The following ATP2B4 variants were observed in gnomAD, a reference collection of about 807,000 sequenced individuals.
The protein encoded by ATP2B4 is ATPase plasma membrane Ca2+ transporting 4, also known as plasma membrane calcium-transporting ATPase 4.
Under a neutral mutation model 110.3 loss-of-function variants are expected in ATP2B4, and 39 were observed. The ratio of observed to expected loss-of-function variants is 0.35; its 90% CI spans 0.27 to 0.46. The LOEUF (loss-of-function observed/expected upper bound fraction) is 0.46. ATP2B4 is among the 20% of genes least tolerant of loss of function. The probability of loss-of-function intolerance (pLI) is 1.00; values close to 1 mark genes in which losing one functional copy is unlikely to be tolerated. For missense variants in ATP2B4, 1,135 were observed against 1,530.9 expected, an observed-to-expected ratio of 0.74 and a Z score of 4.32; for synonymous variants, 538 against 571.7, an observed-to-expected ratio of 0.94 and a Z score of 0.84.
intron 1 of ATP2B4, among the ~76,000 whole-genome samples, chr1:203,662,033 C>CTT (rs374196166): frequency 1.4e-5 from 2 of 145,162 alleles, no homozygotes; most frequent in Admixed American, 6.9e-5. Context: ...CCATCTTCAC[C>CTT]TTTTTTTTTT....
At chr1:203,628,041 T>C (rs769087726) in intron 1 of ATP2B4, among the ~76,000 whole-genome samples, 1 of 152,052 alleles carries the variant, frequency 6.6e-6, no homozygotes, top group Non-Finnish European at 1.5e-5. Flanking sequence ...GAAGGGTGAA[T>C]TGAAAAGTTT....
At position 203,677,953 on chromosome 1, in the gene ATP2B4, A is replaced by G. The variant is rs1664877042; in HGVS notation, c.-464-4789A>G. The stretch of plus-strand genomic sequence containing the variant: ...GGCTCTCAGCCCATCGGGGAAGGAC[A>G]GAGTAGGGCAGGGCAGGGAAGTGTC... On this transcript the variant is annotated intron_variant, in intron 1 of 20. Coordinates refer to ENST00000357681, the MANE Select transcript of ATP2B4 (RefSeq NM_001684.5). 3.9e-5 allele frequency among the ~76,000 whole-genome samples: 6 copies of G among 152,224 alleles called. No homozygotes were observed. In the South Asian group the frequency reaches 1.2e-3, roughly 32 times the overall value.
chr1:203,723,078 T>C (rs188713927), intron 18 of ATP2B4, among the ~76,000 whole-genome samples: 1 of 152,186 alleles, frequency 6.6e-6, no homozygotes, highest in Non-Finnish European at 1.5e-5. Context: ...TCCCTGCCCT[T>C]TGTTCTGAAG....
Position 203,703,640 on chromosome 1 carries a change from T to C in ATP2B4, c.938-12T>C, listed in dbSNP as rs748845883. On this transcript the variant is annotated splice_polypyrimidine_tract_variant and intron_variant, in intron 7 of 20. Coordinates refer to ENST00000357681, the MANE Select transcript of ATP2B4 (RefSeq NM_001684.5). ...TGCCTGCTCACCTGTCCTATTTGTG[T>C]GTACACTCCAGCAAAGACCCAAGAC... 2 of 1,613,216 alleles carry C rather than the reference T, an allele frequency of 1.2e-6. No homozygotes were observed. The highest frequency in any genetic ancestry group is 1.7e-6 in the Non-Finnish European group (2 of 1,179,520).
rs190648328 is a variant in ATP2B4 at position 203,690,461 on chromosome 1, C to A, written c.193+7063C>A. On this transcript the variant is annotated intron_variant, in intron 2 of 20. Coordinates refer to ENST00000357681, the MANE Select transcript of ATP2B4 (RefSeq NM_001684.5). The stretch of plus-strand genomic sequence containing the variant: ...CTCTAACAGATGGATGCATGCCCCC[C>A]GCTTAGAGACCGCTGCTCTAAAGCA... 3.1e-3 allele frequency among the ~76,000 whole-genome samples: 476 copies of A among 152,264 alleles called. 1 individual carries two copies. The highest frequency in any genetic ancestry group is 5.5e-3 in the Non-Finnish European group (377 of 68,022).
chr1:203,660,868 T>C (rs1317551828), intron 1 of ATP2B4, among the ~76,000 whole-genome samples: 1 of 151,892 alleles, frequency 6.6e-6, no homozygotes, highest in Non-Finnish European at 1.5e-5. Flanking sequence ...CCCAGCACTT[T>C]GGGAGGCCGA....
At chr1:203,643,904 T>C (rs974657517) in intron 1 of ATP2B4, among the ~76,000 whole-genome samples, 1 of 152,216 alleles carries the variant, frequency 6.6e-6, no homozygotes. Context: ...GTCATTCCTA[T>C]ATACTCGGTG....
intron 20 of ATP2B4, among the ~76,000 whole-genome samples, chr1:203,735,002 C>CAA (rs35552196): frequency 0.054 from 3,041 of 56,386 alleles, 188 homozygotes; most frequent in African/African-American, 0.079. Context: ...GACTCCATCT[C>CAA]AAAAAAAAAA....
rs750329048 is a variant in ATP2B4 at position 203,721,408 on chromosome 1, C to T, written c.2810C>T (p.Ala937Val). 29 of 1,613,498 alleles carry T rather than the reference C, an allele frequency of 1.8e-5. No individual in the cohort carries two copies. Among genetic ancestry groups the T allele is most frequent in the Admixed American group, 3.3e-5 (2 of 59,954 alleles). The change falls in exon 17 of 21, where the codon GCG becomes GTG. Residue 937 changes from alanine to valine, a missense_variant and splice_region_variant. Transcript: ENST00000357681. The part of the protein sequence containing the change: ...QLIVIFILVF[A>V]GEKFFDIDSG... ...ATTGTCATCTTTATCCTTGTCTTTG[C>T]GGGTGAGCCACTTTGGGGGTGGGTA...
chr1:203,717,961 A>G (rs1666208199), intron 15 of ATP2B4, among the ~76,000 whole-genome samples: 1 of 151,842 alleles, frequency 6.6e-6, no homozygotes, highest in Non-Finnish European at 1.5e-5. Flanking sequence ...GCCTCCCAAC[A>G]CTTTGGGAGG....
intron 1 of ATP2B4, among the ~76,000 whole-genome samples, chr1:203,654,707 A>AG (rs995842575): frequency 6.6e-6 from 1 of 152,036 alleles, no homozygotes; most frequent in East Asian, 1.9e-4. Flanking sequence ...CTGGCAACAC[A>AG]GGGGGACCCT....
chr1:203,739,072 CTA>C lies in ATP2B4; in HGVS notation c.3310-473_3310-472del, dbSNP rs570309094. Among the ~76,000 whole-genome samples, 262 of 152,276 alleles carry C rather than the reference CTA, an allele frequency of 1.7e-3. 1 individual carries two copies. Among genetic ancestry groups the C allele is most frequent in the African/African-American group, 5.9e-3 (247 of 41,548 alleles). ...CTCTTTGAGGTCTTTAAACAGATAA[CTA>C]AACCTCAATGCATAATTTTTCCATT... On this transcript the variant is annotated intron_variant, in intron 20 of 20. Coordinates refer to ENST00000357681, the MANE Select transcript of ATP2B4 (RefSeq NM_001684.5).
At chr1:203,729,564 AAGAAGAAAAG>A in intron 20 of ATP2B4, 1 of 436,720 alleles carries the variant, frequency 2.3e-6, no homozygotes, top group Non-Finnish European at 4.3e-6. Flanking sequence ...AAAAAAAAAG[AAGAAGAAAAG>A]TGGATTGCAG....
chr1:203,673,811 C>A (rs1255284684), intron 1 of ATP2B4, among the ~76,000 whole-genome samples: 2 of 152,206 alleles, frequency 1.3e-5, no homozygotes, highest in African/African-American at 4.8e-5. Flanking sequence ...GGCCAGGCAA[C>A]TTCTTCCCCC....
At position 203,691,974 on chromosome 1, in the gene ATP2B4, C is replaced by T. The variant is rs562889611; in HGVS notation, c.194-6183C>T. On this transcript the variant is annotated intron_variant, in intron 2 of 20. Coordinates refer to ENST00000357681, the MANE Select transcript of ATP2B4 (RefSeq NM_001684.5). ...TCAGCTCACTGCAAGCTCCGCCTCCCGTGTTCACACCATTCTCCTGCCTCA... is the reference window on the plus strand; with the variant it reads ...TCAGCTCACTGCAAGCTCCGCCTCCTGTGTTCACACCATTCTCCTGCCTCA... Among the ~76,000 whole-genome samples, 478 of 151,008 alleles carry T rather than the reference C, an allele frequency of 3.2e-3. 1 individual carries two copies. Among genetic ancestry groups the T allele is most frequent in the Non-Finnish European group, 5.6e-3 (376 of 67,728 alleles).
intron 18 of ATP2B4, 120 bp from the exon 19 acceptor site, chr1:203,723,761 C>T (rs1666419319): frequency 1.4e-6 from 1 of 730,794 alleles, no homozygotes; most frequent in Non-Finnish European, 2.2e-6. Flanking sequence ...GCAAGCAAAT[C>T]GGGACTTGTA....
chr1:203,732,763 C>T (rs1666766849), intron 20 of ATP2B4, among the ~76,000 whole-genome samples: 1 of 150,536 alleles, frequency 6.6e-6, no homozygotes, highest in Admixed American at 6.6e-5. Flanking sequence ...TGCAGTGAAC[C>T]GAGAGTGTGC....
At chr1:203,698,459 C>A in intron 3 of ATP2B4, 105 bp downstream of exon 3, 1 of 1,227,950 alleles carries the variant, frequency 8.1e-7, no homozygotes, top group Non-Finnish European at 1.2e-6. Context: ...TAAAACATTT[C>A]CCCCATTATC....
At chr1:203,664,155 C>T (rs1420566001) in intron 1 of ATP2B4, among the ~76,000 whole-genome samples, 1 of 152,206 alleles carries the variant, frequency 6.6e-6, no homozygotes, top group African/African-American at 2.4e-5. Context: ...AGTTCCTTTA[C>T]TCTCATGAAC....
Sources: allele counts gnomAD v4.1 joint callset (sites outside exome capture counted in the v4.1 genomes callset), GRCh38; gene constraint gnomAD v4.1.1; transcripts MANE v1.5; gene names NCBI Gene and HGNC (gene_info 2026-07-23, HGNC 2026-07-21).